Variants in PITPNM3 observed in about 807,000 individuals in gnomAD.
PITPNM3 encodes PITPNM family member 3.
A neutral mutation model predicts 102.0 loss-of-function variants in PITPNM3; 26 were observed. The observed-to-expected ratio is 0.25, with a 90% CI of 0.19 to 0.35. The LOEUF (loss-of-function observed/expected upper bound fraction) is 0.35. Ranked by LOEUF, PITPNM3 falls within the 10% of genes least tolerant of loss-of-function variation. PITPNM3 has a pLI of 1.00. For synonymous variants in PITPNM3, 578 were observed against 558.6 expected, an observed-to-expected ratio of 1.03 and a Z score of -0.49; for missense variants, 1,083 against 1,346.1, an observed-to-expected ratio of 0.80 and a Z score of 3.06.
At position 6,458,627 on chromosome 17, in the gene PITPNM3, C is replaced by T. The variant is rs1334775088; in HGVS notation, c.2491-905G>A. ...CAGGGCTTCTGCCCCCTCCCCACCA[C>T]TTCTCCGCCAGCCCCCACCTGGCTG... On this transcript the variant is annotated intron_variant, in intron 18 of 19. Coordinates refer to ENST00000262483, the MANE Select transcript of PITPNM3 (RefSeq NM_031220.4). This position sits in a 1 kb window ranked among gnomAD's most constrained non-coding sequence, Gnocchi z 5.1. Among the ~76,000 whole-genome samples, 1 of 152,198 alleles carries T rather than the reference C, an allele frequency of 6.6e-6. No individual in the cohort carries two copies. The highest frequency in any genetic ancestry group is 2.4e-5 in the African/African-American group (1 of 41,440).
intron 4 of PITPNM3, among the ~76,000 whole-genome samples, chr17:6,501,705 T>G (rs942316321): frequency 6.6e-6 from 1 of 152,162 alleles, no homozygotes; most frequent in East Asian, 1.9e-4. Flanking sequence ...CTGCAAGCTC[T>G]TCCATACCTC....
At chr17:6,538,238 C>G (rs1909552478) in intron 1 of PITPNM3, among the ~76,000 whole-genome samples, 156 bp from the exon 2 acceptor site, 1 of 152,194 alleles carries the variant, frequency 6.6e-6, no homozygotes, top group East Asian at 1.9e-4. Context: ...CCTCCCTCTC[C>G]TGTGCTGTCA....
At chr17:6,497,626 G>A (rs1264263086) in intron 4 of PITPNM3, among the ~76,000 whole-genome samples, 1 of 152,228 alleles carries the variant, frequency 6.6e-6, no homozygotes, top group Non-Finnish European at 1.5e-5. Flanking sequence ...ATGTGTGGAC[G>A]TGGCTGTGGG....
At chr17:6,531,006 G>A (rs1170558519) in intron 2 of PITPNM3, among the ~76,000 whole-genome samples, 4 of 152,160 alleles carry the variant, frequency 2.6e-5, no homozygotes, top group African/African-American at 9.6e-5. Context: ...GGAAGGGCTG[G>A]GCCAAGAATC....
chr17:6,544,654 T>A lies in PITPNM3; in HGVS notation c.23-6572A>T, dbSNP rs28668292. Among the ~76,000 whole-genome samples the A allele has an allele frequency of 5.9e-3, 769 of 130,212 alleles. 5 individuals carry two copies. The highest frequency in any genetic ancestry group is 0.017 in the African/African-American group (560 of 32,514). 85.4% of individuals were successfully genotyped at this position (130,212 alleles called of 152,430 possible). A position where few individuals can be genotyped will look rare whatever the true frequency, so the allele number is the denominator to read the frequency against. Reference sequence around the variant, plus strand: ...CTCTCTCTCTCTCTCTCTCTCTCTCTCACACACACACACACACACACACAA... The same window carrying A: ...CTCTCTCTCTCTCTCTCTCTCTCTCACACACACACACACACACACACACAA... On this transcript the variant is annotated intron_variant, in intron 1 of 19. Coordinates refer to ENST00000262483, the MANE Select transcript of PITPNM3 (RefSeq NM_031220.4).
At chr17:6,546,024 C>G (rs1910004131) in intron 1 of PITPNM3, among the ~76,000 whole-genome samples, 1 of 152,230 alleles carries the variant, frequency 6.6e-6, no homozygotes, top group Admixed American at 6.5e-5. Context: ...GGCTTCCTCT[C>G]TGGATCAGGG....
chr17:6,505,687 A>G (rs1276398361), intron 3 of PITPNM3, among the ~76,000 whole-genome samples: 2 of 152,240 alleles, frequency 1.3e-5, no homozygotes, highest in Admixed American at 6.5e-5. Flanking sequence ...CACCCAGCAG[A>G]GCTGGGGCCT....
Position 6,464,302 on chromosome 17 carries a change from A to C in PITPNM3, c.2024T>G (p.Met675Arg), listed in dbSNP as rs1904651557. 8.1e-6 allele frequency: 13 copies of C among 1,613,864 alleles called. No homozygotes were observed. The highest frequency in any genetic ancestry group is 1.0e-5 in the Non-Finnish European group (12 of 1,179,966). The change falls in exon 16 of 20, where the codon ATG (methionine) becomes AGG (arginine). Residue 675 changes from methionine (M) to arginine (R), a missense_variant. Around this residue, in one of 5 missense-constraint regions of PITPNM3, gnomAD observed 410 missense variants for 638.4 expected, o/e 0.64. Transcript: ENST00000262483. ...CCAGCGGCCTGAGGATGGCTCTGCC[A>C]TTACTAGGATGTCCACCTGCGGCAG... Reference protein sequence around the residue: ...LTGEKVDILVMAEPSSGRWVH... With the variant: ...LTGEKVDILVRAEPSSGRWVH...
At chr17:6,512,949 G>T (rs575019339) in intron 3 of PITPNM3, among the ~76,000 whole-genome samples, 1 of 152,076 alleles carries the variant, frequency 6.6e-6, no homozygotes, top group South Asian at 2.1e-4. Context: ...TTTTGTCAAG[G>T]ACTGAGTGGA....
At chr17:6,552,762 CTTTTTTTTTTTTT>C (rs34225911) in intron 1 of PITPNM3, among the ~76,000 whole-genome samples, 4 of 89,018 alleles carry the variant, frequency 4.5e-5, no homozygotes, top group African/African-American at 1.8e-4. Flanking sequence ...CTTTCTTTTT[CTTTTTTTTTTTTT>C]TTTTTTTTTG....
chr17:6,556,420 G>T lies in PITPNM3; in HGVS notation c.-14C>A. On this transcript the variant is annotated 5_prime_UTR_variant, in exon 1 of 20. Transcript: ENST00000262483. The surrounding 1 kb of genome is among the most constrained non-coding windows in gnomAD (Gnocchi z 5.2). ...CGCCTTGGCCATGTCCCGGGCGGCGGGCTCCGGCGGCGCTACGCGCGCTCC... is the reference window on the plus strand; with the variant it reads ...CGCCTTGGCCATGTCCCGGGCGGCGTGCTCCGGCGGCGCTACGCGCGCTCC... The T allele has an allele frequency of 7.8e-7, 1 of 1,279,614 alleles. No homozygotes were observed. The highest frequency in any genetic ancestry group is 9.9e-7 in the Non-Finnish European group (1 of 1,012,894). 79.3% of individuals were successfully genotyped at this position (1,279,614 alleles called of 1,614,324 possible). A position where few individuals can be genotyped will look rare whatever the true frequency, so the allele number is the denominator to read the frequency against.
Position 6,459,842 on chromosome 17 carries a change from C to T in PITPNM3, c.2490+1531G>A, listed in dbSNP as rs932324400. ...CCTGCATCCAACCATCCCTGAGCCC[C>T]GACTATTCCACCTCCTAATCCTGTC... On this transcript the variant is annotated intron_variant, in intron 18 of 19. Transcript: ENST00000262483. This position sits in a 1 kb window ranked among gnomAD's most constrained non-coding sequence, Gnocchi z 5.0. 6.6e-6 allele frequency among the ~76,000 whole-genome samples: 1 copy of T among 152,050 alleles called. No individual in the cohort carries two copies. Among genetic ancestry groups the T allele is most frequent in the Non-Finnish European group, 1.5e-5 (1 of 68,024 alleles).
chr17:6,531,200 G>C (rs1051087905), intron 2 of PITPNM3, among the ~76,000 whole-genome samples: 8 of 152,158 alleles, frequency 5.3e-5, no homozygotes, highest in Non-Finnish European at 8.8e-5. Flanking sequence ...GGATGCAGCT[G>C]ATATTTTCTA....
chr17:6,544,763 AAAT>A (rs369571352), intron 1 of PITPNM3, among the ~76,000 whole-genome samples: 1 of 152,058 alleles, frequency 6.6e-6, no homozygotes, highest in African/African-American at 2.4e-5. Flanking sequence ...ATGCAGCTGA[AAAT>A]AATCAGGCCT....
In PITPNM3 at chr17:6,459,111, A is replaced by T. The variant is rs1379123390; in HGVS notation, c.2491-1389T>A. Among the ~76,000 whole-genome samples, 1 of 151,810 alleles carries T rather than the reference A, an allele frequency of 6.6e-6. No individual in the cohort carries two copies. The highest frequency in any genetic ancestry group is 1.5e-5 in the Non-Finnish European group (1 of 67,958). ...TCATTCACCTGAGCTCACTCCTATA[A>T]CTTGGATCCTCCAGCTCTGGCGACC... On this transcript the variant is annotated intron_variant, in intron 18 of 19. Transcript: ENST00000262483. The surrounding 1 kb of genome is among the most constrained non-coding windows in gnomAD (Gnocchi z 5.0).
intron 3 of PITPNM3, among the ~76,000 whole-genome samples, chr17:6,508,689 C>T (rs1250748103): frequency 1.3e-5 from 2 of 152,168 alleles, no homozygotes; most frequent in South Asian, 2.1e-4. Context: ...CCTCGGGCTT[C>T]GTCTCTCCTG....
chr17:6,464,192 A>G lies in PITPNM3; in HGVS notation c.2134T>C (p.Tyr712His), dbSNP rs1904644211. 1 of 1,614,090 alleles carries G rather than the reference A, an allele frequency of 6.2e-7. No individual in the cohort carries two copies. The highest frequency in any genetic ancestry group is 1.7e-5 in the Admixed American group (1 of 60,014). Residue 712 changes from tyrosine (Y) to histidine (H), a missense_variant, in exon 16 of 20, where the codon TAT becomes CAT. This residue lies in a region of PITPNM3 where 410 missense variants were observed against 638.4 expected (regional missense o/e 0.64). Transcript: ENST00000262483. The stretch of plus-strand genomic sequence containing the variant: ...TACCTGACGACCATCTTCACAGGAT[A>G]GACACCAACCCCCAGGCGCCGGGGC... ...PRPRRLGVGV[Y>H]PVKMVVRGDQ... is the part of the protein sequence containing the mutation.
chr17:6,540,138 T>C (rs961540676), intron 1 of PITPNM3, among the ~76,000 whole-genome samples: 2 of 152,090 alleles, frequency 1.3e-5, no homozygotes, highest in African/African-American at 2.4e-5. Flanking sequence ...TCAGCTCCAT[T>C]TGAGGGAGCA....
rs762714529 is a variant in PITPNM3, at chr17:6,455,567, G to A, written c.2696C>T (p.Ser899Leu). The A allele has an allele frequency of 4.4e-6, 7 of 1,601,694 alleles. No homozygotes were observed. Among genetic ancestry groups the A allele is most frequent in the Admixed American group, 1.7e-5 (1 of 59,830 alleles). Residue 899 changes from serine to leucine, a missense_variant, in exon 20 of 20, where the codon TCG becomes TTG. Ser to Leu is a moderately radical substitution (Grantham distance 145). Coordinates refer to ENST00000262483, the MANE Select transcript of PITPNM3 (RefSeq NM_031220.4). ...GCTGCCCTTGCGCAGGATCATGCGCGAGTTGTTCTTCTTTGGGCGTGAGCG... is the reference window on the plus strand; with the variant it reads ...GCTGCCCTTGCGCAGGATCATGCGCAAGTTGTTCTTCTTTGGGCGTGAGCG... The part of the protein sequence containing the change: ...SHRSRPKKNN[S>L]RMILRKGSFG...
Sources: allele counts gnomAD v4.1 joint callset (sites outside exome capture counted in the v4.1 genomes callset), GRCh38; gene constraint gnomAD v4.1.1; regional missense constraint gnomAD v4.1.1; non-coding constraint Gnocchi (gnomAD v3.1); transcripts MANE v1.5; gene names NCBI Gene and HGNC (gene_info 2026-07-23, HGNC 2026-07-21).